Variants in CACNA1C observed in about 807,000 individuals in gnomAD.
The protein encoded by CACNA1C is calcium voltage-gated channel subunit alpha1 C.
A neutral mutation model predicts 229.0 loss-of-function variants in CACNA1C; 30 were observed. The observed-to-expected ratio is 0.13, with a 90% confidence interval of 0.10 to 0.18. The LOEUF is 0.18. CACNA1C is among the 10% of genes least tolerant of loss of function. The pLI is 1.00. For synonymous variants in CACNA1C, 1,114 were observed against 1,132.5 expected, an observed-to-expected ratio of 0.98 and a Z score of 0.33; for missense variants, 1,658 against 2,845.0, an observed-to-expected ratio of 0.58 and a Z score of 9.49.
chr12:2,568,931 T>C (rs552199101), intron 13 of CACNA1C, among the ~76,000 whole-genome samples: 72 of 152,360 alleles, frequency 4.7e-4, no homozygotes, highest in African/African-American at 1.7e-3. Flanking sequence ...TGAAACAAAT[T>C]GGAAGAAATC....
chr12:2,583,306 G>A (rs569507841), intron 15 of CACNA1C, among the ~76,000 whole-genome samples: 1 of 152,366 alleles, frequency 6.6e-6, no homozygotes, highest in South Asian at 2.1e-4. Flanking sequence ...GAGGCGGGAC[G>A]CTCCGGGAGG....
chr12:2,322,720 C>T (rs2096070194), intron 3 of CACNA1C, among the ~76,000 whole-genome samples: 1 of 152,364 alleles, frequency 6.6e-6, no homozygotes, highest in Admixed American at 6.5e-5. Flanking sequence ...CGTTGCACGG[C>T]AGTTATGCTG....
intron 1 of CACNA1C, among the ~76,000 whole-genome samples, chr12:1,978,611 T>C (rs778954736): frequency 6.6e-5 from 10 of 152,220 alleles, no homozygotes; most frequent in Admixed American, 4.6e-4. Flanking sequence ...AACACTCTTA[T>C]GTAACCAACA....
intron 3 of CACNA1C, among the ~76,000 whole-genome samples, chr12:2,421,524 A>AG (rs1206629085): frequency 6.6e-6 from 1 of 152,218 alleles, no homozygotes; most frequent in African/African-American, 2.4e-5. Context: ...CAACTAGAGT[A>AG]GTCCAACAGT....
chr12:2,214,685 C>T (rs1005270812), intron 3 of CACNA1C, among the ~76,000 whole-genome samples: 6 of 57,170 alleles, frequency 1.0e-4, no homozygotes, highest in African/African-American at 4.3e-4. Flanking sequence ...GAGGTGGGCC[C>T]GGGACCCCAG....
intron 3 of CACNA1C, among the ~76,000 whole-genome samples, chr12:2,407,795 C>G (rs1299826905): frequency 6.6e-6 from 1 of 152,252 alleles, no homozygotes; most frequent in Non-Finnish European, 1.5e-5. Flanking sequence ...TCCCTAATGA[C>G]TAGTGATGTC....
rs1288424046 is a variant in CACNA1C, at chr12:2,316,403, T to G, written c.478-132573T>G. Among the ~76,000 whole-genome samples the G allele has an allele frequency of 2.0e-5, 3 of 152,228 alleles. No homozygotes were observed. In the East Asian group the frequency reaches 5.8e-4, roughly 29 times the overall value. Reference sequence around the variant, plus strand: ...AGGGCATGTGGTAAACGTTCAAGAGTGTAGGCTTTTTGTTATTGGAGAAAA... The same window carrying G: ...AGGGCATGTGGTAAACGTTCAAGAGGGTAGGCTTTTTGTTATTGGAGAAAA... On this transcript the variant is annotated intron_variant, in intron 3 of 46. Transcript: ENST00000399655.
At chr12:2,612,086 T>C (rs1038825739) in intron 29 of CACNA1C, 73 bp downstream of exon 29, 2 of 903,810 alleles carry the variant, frequency 2.2e-6, no homozygotes, top group Non-Finnish European at 3.7e-6. Flanking sequence ...GGTGCAGGTA[T>C]TGAAGGCAGA....
At chr12:2,420,449 T>G (rs1161067530) in intron 3 of CACNA1C, among the ~76,000 whole-genome samples, 1 of 152,194 alleles carries the variant, frequency 6.6e-6, no homozygotes, top group East Asian at 1.9e-4. Context: ...GTCTCAGAGC[T>G]GTGTCCTCCC....
chr12:2,318,193 G>T (rs1319819483), intron 3 of CACNA1C, among the ~76,000 whole-genome samples: 1 of 152,246 alleles, frequency 6.6e-6, no homozygotes, highest in Non-Finnish European at 1.5e-5. Flanking sequence ...GGCATTTAAA[G>T]AATGATCTTT....
At chr12:2,497,197 T>C (rs1397835874) in intron 7 of CACNA1C, among the ~76,000 whole-genome samples, 1 of 152,236 alleles carries the variant, frequency 6.6e-6, no homozygotes, top group African/African-American at 2.4e-5. Flanking sequence ...ATAGGATTCA[T>C]AGGCATGCTC....
chr12:2,319,516 G>A lies in CACNA1C; in HGVS notation c.478-129460G>A, dbSNP rs2095866399. Among the ~76,000 whole-genome samples the A allele has an allele frequency of 6.6e-6, 1 of 152,170 alleles. No homozygotes were observed. The highest frequency in any genetic ancestry group is 2.4e-5 in the African/African-American group (1 of 41,436). On this transcript the variant is annotated intron_variant, in intron 3 of 46. Coordinates refer to ENST00000399655, the MANE Select transcript of CACNA1C (RefSeq NM_000719.7). This position sits in a 1 kb window ranked among gnomAD's most constrained non-coding sequence, Gnocchi z 4.0. ...CTGACACCCTGGCTCCGAACCCCCA[G>A]CAGCCAGCGGGTGGGTTGGATTCCA...
At chr12:2,158,799 G>A (rs530262867) in intron 3 of CACNA1C, among the ~76,000 whole-genome samples, 51 of 152,326 alleles carry the variant, frequency 3.3e-4, no homozygotes, top group Non-Finnish European at 6.6e-4. Flanking sequence ...GGAAGCTATT[G>A]GAGTTCTTCA....
chr12:2,189,190 T>G (rs1056278011), intron 3 of CACNA1C, among the ~76,000 whole-genome samples: 3 of 151,828 alleles, frequency 2.0e-5, no homozygotes, highest in Non-Finnish European at 2.9e-5. Context: ...GAACACTGGT[T>G]CTCCTGGGAT....
In CACNA1C at chr12:2,054,809, G is replaced by A. The variant is rs892883171; in HGVS notation, c.49+1198G>A. Among the ~76,000 whole-genome samples the A allele has an allele frequency of 2.0e-5, 3 of 152,160 alleles. No individual in the cohort carries two copies. The highest frequency in any genetic ancestry group is 6.5e-5 in the Admixed American group (1 of 15,286). On this transcript the variant is annotated intron_variant, in intron 1 of 46. Transcript: ENST00000399655. The surrounding 1 kb of genome is among the most constrained non-coding windows in gnomAD (Gnocchi z 5.5). ...CTTCTCTTCCCCTGAAAGCCTATCTGTCACTGCTGGTCTCTGTTCCTTCCC... is the reference window on the plus strand; with the variant it reads ...CTTCTCTTCCCCTGAAAGCCTATCTATCACTGCTGGTCTCTGTTCCTTCCC...
chr12:2,069,991 G>A (rs2060629715), intron 1 of CACNA1C, among the ~76,000 whole-genome samples: 1 of 152,078 alleles, frequency 6.6e-6, no homozygotes, highest in African/African-American at 2.4e-5. Context: ...TTTTTGTAGA[G>A]GCAGGGTCTC....
intron 3 of CACNA1C, among the ~76,000 whole-genome samples, chr12:2,189,558 T>C (rs2283287): frequency 0.34 from 52,252 of 151,922 alleles, 9,451 homozygotes; most frequent in South Asian, 0.39. Flanking sequence ...CTGCGCGAGA[T>C]GAGGGGGCCA....
intron 1 of CACNA1C, among the ~76,000 whole-genome samples, chr12:2,075,276 T>C (rs2062777651): frequency 6.6e-6 from 1 of 152,212 alleles, no homozygotes; most frequent in Admixed American, 6.5e-5. Context: ...GCTCACTGGG[T>C]GCAGGCATGG....
intron 3 of CACNA1C, among the ~76,000 whole-genome samples, chr12:2,332,441 A>T (rs902848764): frequency 2.6e-5 from 4 of 152,252 alleles, no homozygotes; most frequent in Admixed American, 1.3e-4. Flanking sequence ...GTGAGTGTGT[A>T]GCAGGAACTC....
Sources: gnomAD v4.1 joint callset for allele counts (sites outside exome capture counted in the v4.1 genomes callset) on GRCh38, gnomAD v4.1.1 for gene constraint, Gnocchi (gnomAD v3.1) non-coding constraint, MANE v1.5 for transcripts, NCBI Gene and HGNC (gene_info 2026-07-23, HGNC 2026-07-21) for gene names.